The following FOCAD variants were observed in gnomAD, a reference collection of about 807,000 sequenced individuals.
FOCAD encodes KIAA1797.
FOCAD carries 198 observed loss-of-function variants against 225.6 expected under a neutral mutation model. That is an observed-to-expected ratio of 0.88 (90% confidence interval 0.78 to 0.99). FOCAD has a LOEUF of 0.99. Among genes scored for constraint, FOCAD ranks in the 50% least tolerant of loss-of-function variants. The probability of loss-of-function intolerance (pLI) is 0.00; values close to 1 mark genes in which losing one functional copy is unlikely to be tolerated. For missense variants in FOCAD, 2,713 were observed against 2,123.6 expected (o/e 1.28, Z -5.46); for synonymous variants, 897 against 755.0 (o/e 1.19, Z -3.08).
intron 39 of FOCAD, among the ~76,000 whole-genome samples, chr9:20,984,358 A>C (rs1409938086): frequency 6.6e-6 from 1 of 152,230 alleles, no homozygotes; most frequent in Non-Finnish European, 1.5e-5. Flanking sequence ...TCTCAGGAAC[A>C]CTTTAGCTTC....
At chr9:20,981,404 A>AC in intron 37 of FOCAD, 22 bp from the exon 38 acceptor site, 1 of 1,611,264 alleles carries the variant, frequency 6.2e-7, no homozygotes, top group South Asian at 1.1e-5. Flanking sequence ...TTTACATTCA[A>AC]CCCCTTCTGT....
intron 4 of FOCAD, among the ~76,000 whole-genome samples, chr9:20,726,957 G>T (rs1481078071): frequency 6.6e-6 from 1 of 152,022 alleles, no homozygotes; most frequent in African/African-American, 2.4e-5. Context: ...CAAGGTTTAG[G>T]GAAGACAGCA....
chr9:20,687,009 T>C (rs1269802019), intron 1 of FOCAD, among the ~76,000 whole-genome samples: 2 of 152,050 alleles, frequency 1.3e-5, no homozygotes, highest in African/African-American at 4.8e-5. Context: ...TTTTTTTTTT[T>C]TCCCCCTACT....
At chr9:20,779,475 G>T (rs10964695) in intron 9 of FOCAD, among the ~76,000 whole-genome samples, 25,595 of 152,184 alleles carry the variant, frequency 0.17, 2,609 homozygotes, top group Non-Finnish European at 0.22. Flanking sequence ...GGCCAGGCAC[G>T]GTGGCTCATG....
chr9:20,952,359 A>C (rs997405366), intron 34 of FOCAD: 24 of 152,286 alleles, frequency 1.6e-4, no homozygotes, highest in African/African-American at 5.8e-4. Flanking sequence ...ATTGCAGTAA[A>C]AACCATCTCA....
In FOCAD at chr9:20,957,478, C is replaced by CTTTTCTTTTTTTTTTT. The variant is rs1554741394; in HGVS notation, c.4132+4417_4132+4418insCTTTTTTTTTTTTTTT. ...AATTTTAGTGAACATCTTTTCTTTT[C>CTTTTCTTTTTTTTTTT]TTTTTTTTTTTTTTTTGAGACAGTC... On this transcript the variant is annotated intron_variant, in intron 35 of 43. Coordinates refer to ENST00000338382, the MANE Select transcript of FOCAD (RefSeq NM_001375567.1). 32 of 81,460 alleles carry CTTTTCTTTTTTTTTTT rather than the reference C, an allele frequency of 3.9e-4. 1 individual carries two copies. Among genetic ancestry groups the CTTTTCTTTTTTTTTTT allele is most frequent in the African/African-American group, 1.4e-3 (29 of 20,420 alleles). The allele number at this position is 81,460 out of a possible 1,614,324, so 5.0% of individuals were successfully genotyped here. A position where few individuals can be genotyped will look rare whatever the true frequency, so the allele number is the denominator to read the frequency against.
At chr9:20,789,196 A>G (rs767346647) in intron 10 of FOCAD, 155 bp from the exon 11 acceptor site, 1 of 784,742 alleles carries the variant, frequency 1.3e-6, no homozygotes, top group Non-Finnish European at 2.0e-6. Context: ...TATTACCTCA[A>G]ATATGTGCAG....
chr9:20,804,806 A>T (rs1448798391), intron 11 of FOCAD, among the ~76,000 whole-genome samples: 1 of 151,964 alleles, frequency 6.6e-6, no homozygotes, highest in Non-Finnish European at 1.5e-5. Flanking sequence ...CCTTCCGGGA[A>T]ATCCTTCTGA....
intron 28 of FOCAD, among the ~76,000 whole-genome samples, 184 bp downstream of exon 28, chr9:20,933,287 C>T (rs772641971): frequency 1.3e-5 from 2 of 151,990 alleles, no homozygotes; most frequent in African/African-American, 4.8e-5. Flanking sequence ...GATTTTGGTG[C>T]CCCCATCACC....
chr9:20,943,615 A>G (rs1836886704), intron 28 of FOCAD, among the ~76,000 whole-genome samples: 3 of 152,046 alleles, frequency 2.0e-5, no homozygotes, highest in Non-Finnish European at 4.4e-5. Flanking sequence ...AATTATGCAA[A>G]TGTTCTTGAC....
At chr9:20,765,967 T>A (rs1050196062) in intron 7 of FOCAD, among the ~76,000 whole-genome samples, 16 of 152,204 alleles carry the variant, frequency 1.1e-4, no homozygotes, top group African/African-American at 3.6e-4. Flanking sequence ...CTCTGCGACT[T>A]ATAAATAGGC....
chr9:20,890,370 GTT>G (rs773370674), intron 21 of FOCAD, among the ~76,000 whole-genome samples: 13 of 132,982 alleles, frequency 9.8e-5, no homozygotes, highest in Admixed American at 1.5e-4. Context: ...TTTCTGAGAG[GTT>G]TTTTTTTTTT....
chr9:20,686,153 A>G (rs146972361), intron 1 of FOCAD, among the ~76,000 whole-genome samples: 74 of 152,246 alleles, frequency 4.9e-4, no homozygotes, highest in African/African-American at 1.7e-3. Context: ...AAAATTTTGC[A>G]TTTGCTATTT....
chr9:20,804,587 C>T (rs1008363474), intron 11 of FOCAD, among the ~76,000 whole-genome samples: 4 of 151,560 alleles, frequency 2.6e-5, no homozygotes, highest in African/African-American at 4.8e-5. Flanking sequence ...TCCTTCTAAT[C>T]GGATGAATTG....
At chr9:20,862,778 T>C (rs1828892029) in intron 16 of FOCAD, 66 bp downstream of exon 16, 1 of 1,528,806 alleles carries the variant, frequency 6.5e-7, no homozygotes. Context: ...ATAATAACTT[T>C]TGGAATAAAT....
At chr9:20,738,266 G>T (rs546084003) in intron 4 of FOCAD, among the ~76,000 whole-genome samples, 2 of 152,172 alleles carry the variant, frequency 1.3e-5, no homozygotes, top group Non-Finnish European at 2.9e-5. Context: ...GGTCCTCAAG[G>T]AGATGCCATG....
chr9:20,945,507 G>A (rs1055922516), intron 29 of FOCAD, among the ~76,000 whole-genome samples: 2 of 152,176 alleles, frequency 1.3e-5, no homozygotes, highest in African/African-American at 4.8e-5. Context: ...GTGTTTCCCT[G>A]CTCAGCTCCT....
At chr9:20,874,615 A>G in intron 18 of FOCAD, 66 bp from the exon 19 acceptor site, 1 of 1,539,844 alleles carries the variant, frequency 6.5e-7, no homozygotes, top group East Asian at 2.3e-5. Flanking sequence ...AAAAAAGGAT[A>G]CAGAAAAGAT....
rs561530409 is a variant in FOCAD at position 20,814,138 on chromosome 9, G to A, written c.1456-5658G>A. Reference sequence around the variant, plus strand: ...ATAGTGGGATCTTGTTTGGGTTTTCGGAATCCACTGTATGTCTTTGATTGA... The same window carrying A: ...ATAGTGGGATCTTGTTTGGGTTTTCAGAATCCACTGTATGTCTTTGATTGA... On this transcript the variant is annotated intron_variant, in intron 11 of 43. Transcript: ENST00000338382. Among the ~76,000 whole-genome samples the A allele has an allele frequency of 5.9e-5, 9 of 152,094 alleles. No homozygotes were observed. In the East Asian group the frequency reaches 9.7e-4, roughly 16 times the overall value.
Sources: gnomAD v4.1 joint callset for allele counts (sites outside exome capture counted in the v4.1 genomes callset) on GRCh38, gnomAD v4.1.1 for gene constraint, MANE v1.5 for transcripts, NCBI Gene and HGNC (gene_info 2026-07-23, HGNC 2026-07-21) for gene names.